Variants in SPAG16 observed in about 807,000 individuals in gnomAD.
The protein encoded by SPAG16 is sperm-associated antigen 16 protein.
A neutral mutation model predicts 80.4 loss-of-function variants in SPAG16; 86 were observed. The observed-to-expected ratio is 1.07, with a 90% CI of 0.90 to 1.28. The LOEUF is 1.28. SPAG16 is among the 50% of genes most tolerant of loss of function. The pLI, the probability that SPAG16 is intolerant of heterozygous loss-of-function variation, is 0.00. For missense variants in SPAG16, 870 were observed against 765.3 expected, an observed-to-expected ratio of 1.14 and a Z score of -1.61; for synonymous variants, 294 against 265.9, an observed-to-expected ratio of 1.11 and a Z score of -1.03.
chr2:213,377,899 ATATATTTTTTTT>A (rs1559472258), intron 9 of SPAG16, among the ~76,000 whole-genome samples: 353 of 17,870 alleles, frequency 0.02, 1 homozygote, highest in African/African-American at 0.075. Context: ...ATATATATAT[ATATATTTTTTTT>A]TTTTTTTCTT....
chr2:213,384,205 A>G (rs897690702), intron 9 of SPAG16, among the ~76,000 whole-genome samples: 2 of 152,108 alleles, frequency 1.3e-5, no homozygotes, highest in African/African-American at 4.8e-5. Context: ...ACCCTCCCCA[A>G]TATGCAGTAT....
At chr2:213,304,729 T>C (rs927813351) in intron 3 of SPAG16, among the ~76,000 whole-genome samples, 1 of 152,182 alleles carries the variant, frequency 6.6e-6, no homozygotes, top group African/African-American at 2.4e-5. Context: ...TCTGTTGGTC[T>C]ATGTATCTGT....
chr2:213,448,573 C>T (rs1275855289), intron 9 of SPAG16, among the ~76,000 whole-genome samples: 1 of 152,166 alleles, frequency 6.6e-6, no homozygotes. Context: ...AACAAGCCTT[C>T]ATCCCCATGG....
rs180918975 is a variant in SPAG16, at chr2:213,751,032, A to G, written c.1071-111453A>G. Among the ~76,000 whole-genome samples, 909 of 152,312 alleles carry G rather than the reference A, an allele frequency of 6.0e-3. 8 individuals carry two copies. The highest frequency in any genetic ancestry group is 0.021 in the African/African-American group (873 of 41,566). ...GATTCAGAAAGTTATTTAAAATTTC[A>G]TAATGCATTTTTTATGTTTATACTA... On this transcript the variant is annotated intron_variant, in intron 10 of 15. Coordinates refer to ENST00000331683, the MANE Select transcript of SPAG16 (RefSeq NM_024532.5).
At chr2:214,053,511 T>C (rs1173111791) in intron 13 of SPAG16, among the ~76,000 whole-genome samples, 1 of 152,052 alleles carries the variant, frequency 6.6e-6, no homozygotes, top group Admixed American at 6.6e-5. Context: ...TTTTTATGTA[T>C]GGCAGAGAAG....
chr2:213,423,796 T>C (rs2069742879), intron 9 of SPAG16, among the ~76,000 whole-genome samples: 1 of 152,350 alleles, frequency 6.6e-6, no homozygotes, highest in South Asian at 2.1e-4. Flanking sequence ...AGTCCGTCTG[T>C]GTCTAAACTA....
At chr2:213,775,284 T>G (rs2069504060) in intron 10 of SPAG16, among the ~76,000 whole-genome samples, 1 of 152,226 alleles carries the variant, frequency 6.6e-6, no homozygotes, top group Non-Finnish European at 1.5e-5. Context: ...GAAGTGCTCT[T>G]GCAACTTTTC....
At chr2:213,361,971 G>A (rs1002314500) in intron 7 of SPAG16, among the ~76,000 whole-genome samples, 12 of 152,054 alleles carry the variant, frequency 7.9e-5, no homozygotes, top group African/African-American at 2.7e-4. Context: ...GGGGGTTAGG[G>A]CCAGGGTGAG....
intron 14 of SPAG16, among the ~76,000 whole-genome samples, chr2:214,148,775 G>A (rs1294445785): frequency 6.6e-6 from 1 of 151,810 alleles, no homozygotes; most frequent in Non-Finnish European, 1.5e-5. Context: ...TATGATATAT[G>A]TATATATATG....
At chr2:213,288,502 G>A (rs1368205855) in intron 1 of SPAG16, among the ~76,000 whole-genome samples, 1 of 150,672 alleles carries the variant, frequency 6.6e-6, no homozygotes, top group Non-Finnish European at 1.5e-5. Context: ...CAGTAGAGAC[G>A]GGGTTTCACT....
chr2:213,766,237 A>G (rs2068932350), intron 10 of SPAG16, among the ~76,000 whole-genome samples: 2 of 152,232 alleles, frequency 1.3e-5, no homozygotes, highest in South Asian at 4.1e-4. Flanking sequence ...ACCCTCAGGT[A>G]AAGAACAGGA....
intron 10 of SPAG16, among the ~76,000 whole-genome samples, chr2:213,623,059 C>T (rs1331185182): frequency 6.6e-6 from 1 of 152,094 alleles, no homozygotes. Context: ...ATTCTCACGC[C>T]TCCATTTGCT....
At chr2:213,695,315 TATC>T (rs2125307825) in intron 10 of SPAG16, among the ~76,000 whole-genome samples, 1 of 152,314 alleles carries the variant, frequency 6.6e-6, no homozygotes, top group South Asian at 2.1e-4. Context: ...ACTAACAAGG[TATC>T]ATGGTTTTAA....
At chr2:213,368,354 A>G (rs1308502117) in intron 8 of SPAG16, among the ~76,000 whole-genome samples, 1 of 152,188 alleles carries the variant, frequency 6.6e-6, no homozygotes, top group African/African-American at 2.4e-5. Flanking sequence ...TGGCGATGGC[A>G]TTGAATCTAT....
intron 15 of SPAG16, among the ~76,000 whole-genome samples, chr2:214,247,882 G>A: frequency 6.6e-6 from 1 of 151,912 alleles, no homozygotes; most frequent in East Asian, 1.9e-4. Context: ...AAATAAATTA[G>A]CGGGGCACGG....
intron 15 of SPAG16, among the ~76,000 whole-genome samples, chr2:214,256,575 C>A (rs984063447): frequency 1.2e-5 from 1 of 86,222 alleles, no homozygotes; most frequent in Admixed American, 1.1e-4. Context: ...TAAATCTGGG[C>A]GAGAGTTTTT....
chr2:214,063,714 A>G (rs2050394920), intron 13 of SPAG16, among the ~76,000 whole-genome samples: 1 of 152,190 alleles, frequency 6.6e-6, no homozygotes, highest in African/African-American at 2.4e-5. Context: ...TCCTCCATAT[A>G]TAAACATGGA....
At chr2:214,186,106 C>G (rs148855046) in intron 15 of SPAG16, among the ~76,000 whole-genome samples, 311 of 152,202 alleles carry the variant, frequency 2.0e-3, no homozygotes, top group African/African-American at 7.2e-3. Flanking sequence ...TTAAATGATT[C>G]TTTCAACAAG....
intron 9 of SPAG16, among the ~76,000 whole-genome samples, chr2:213,410,932 C>T (rs561894596): frequency 5.3e-5 from 8 of 152,336 alleles, no homozygotes; most frequent in South Asian, 4.1e-4. Context: ...ATCCAGCTTC[C>T]GTCTCCCAAC....
Sources: gnomAD v4.1 joint callset for allele counts (sites outside exome capture counted in the v4.1 genomes callset) on GRCh38, gnomAD v4.1.1 for gene constraint, MANE v1.5 for transcripts, NCBI Gene and HGNC (gene_info 2026-07-23, HGNC 2026-07-21) for gene names.